DCAF6: variants seen among roughly 807,000 people sequenced by gnomAD.
The protein encoded by DCAF6 is DDB1- and CUL4-associated factor 6.
In DCAF6, 54 loss-of-function variants were observed where a neutral mutation model predicts 125.1. The ratio of observed to expected loss-of-function variants is 0.43; its 90% confidence interval spans 0.35 to 0.54. The LOEUF is 0.54. Among genes scored for constraint, DCAF6 ranks in the 20% least tolerant of loss-of-function variants. The pLI, the probability that DCAF6 is intolerant of heterozygous loss-of-function variation, is 0.01. For missense variants in DCAF6, 934 were observed against 1,161.7 expected (o/e 0.80, Z 2.85); for synonymous variants, 371 against 390.4 (o/e 0.95, Z 0.58).
At chr1:167,948,553 C>A (rs1673440068) in intron 1 of DCAF6, among the ~76,000 whole-genome samples, 1 of 152,100 alleles carries the variant, frequency 6.6e-6, no homozygotes, top group Admixed American at 6.5e-5. Flanking sequence ...AAATAACTTA[C>A]AAAGTTGTAA....
At chr1:167,982,355 C>T (rs531590251) in intron 4 of DCAF6, among the ~76,000 whole-genome samples, 2 of 152,252 alleles carry the variant, frequency 1.3e-5, no homozygotes, top group East Asian at 3.9e-4. Flanking sequence ...GATTCTCCTG[C>T]CTCAGCCTCC....
chr1:168,044,888 A>G lies in DCAF6; in HGVS notation c.1931-12A>G, dbSNP rs181743503. 3.8e-5 allele frequency: 62 copies of G among 1,610,710 alleles called. 1 individual carries two copies. The Admixed American group carries it at 4.6e-4, about 12-fold the overall frequency. On this transcript the variant is annotated splice_polypyrimidine_tract_variant and intron_variant, in intron 15 of 21. Coordinates refer to ENST00000367840, the MANE Select transcript of DCAF6 (RefSeq NM_001198956.2). ...ATTACCACCTGTTACATACAACTTT[A>G]TTTTCTGACAGCACAATCAGATAAG...
intron 17 of DCAF6, among the ~76,000 whole-genome samples, chr1:168,060,090 A>C (rs1449256964): frequency 6.6e-6 from 1 of 152,158 alleles, no homozygotes; most frequent in African/African-American, 2.4e-5. Flanking sequence ...TCCCCTGCTG[A>C]TATTTAGAAA....
chr1:168,039,109 A>G (rs1688183821), intron 13 of DCAF6, among the ~76,000 whole-genome samples: 1 of 152,026 alleles, frequency 6.6e-6, no homozygotes, highest in Non-Finnish European at 1.5e-5. Context: ...TTTAATGAAT[A>G]TCTTTGCTTA....
rs753967366 is a variant in DCAF6, at chr1:168,066,426, A to G, written c.2646A>G (p.Leu882=). The G allele has an allele frequency of 1.7e-5, 27 of 1,610,520 alleles. No individual in the cohort carries two copies. The highest frequency in any genetic ancestry group is 2.1e-5 in the Non-Finnish European group (25 of 1,177,970). Residue 882 remains leucine, a synonymous_variant, in exon 20 of 22, where the codon TTA becomes TTG. Coordinates refer to ENST00000367840, the MANE Select transcript of DCAF6 (RefSeq NM_001198956.2). ...ATGACATAAAGATCTGGTCACCATT[A>G]GAAGAGTCAAGGATTTTTAACCGAA... ...IDYDIKIWSP[L]EESRIFNRKL...
chr1:167,935,756 C>T (rs956815605), upstream of DCAF6: 2 of 1,564,332 alleles, frequency 1.3e-6, no homozygotes, highest in African/African-American at 1.4e-5. Flanking sequence ...GTACAACGGC[C>T]TCAATTTCTC....
At chr1:167,871,860 G>C in the DCAF6 span, among the ~76,000 whole-genome samples, 4 of 152,002 alleles carry the variant, frequency 2.6e-5, no homozygotes, top group East Asian at 7.7e-4. Flanking sequence ...CCTCAATTTC[G>C]TGAGATGTTT....
chr1:167,943,189 G>A (rs907493804), intron 1 of DCAF6, among the ~76,000 whole-genome samples: 2 of 152,110 alleles, frequency 1.3e-5, no homozygotes, highest in Non-Finnish European at 2.9e-5. Context: ...GATTACAGGC[G>A]TGAGCCACCG....
the DCAF6 span, among the ~76,000 whole-genome samples, chr1:167,879,137 G>A: frequency 6.6e-6 from 1 of 152,304 alleles, no homozygotes; most frequent in Non-Finnish European, 1.5e-5. Context: ...GGCTCTGAAG[G>A]CAGACTGTGC....
intron 17 of DCAF6, among the ~76,000 whole-genome samples, chr1:168,053,882 A>G (rs1308458325): frequency 2.0e-5 from 3 of 152,308 alleles, no homozygotes; most frequent in African/African-American, 7.2e-5. Context: ...TCAAGTTCTC[A>G]GACACCAGCC....
At chr1:167,983,493 T>G (rs1226695606) in intron 4 of DCAF6, among the ~76,000 whole-genome samples, 1 of 152,142 alleles carries the variant, frequency 6.6e-6, no homozygotes, top group African/African-American at 2.4e-5. Flanking sequence ...AGCCTTCCAG[T>G]CTTTGTCAAA....
intron 16 of DCAF6, among the ~76,000 whole-genome samples, chr1:168,046,836 T>G (rs1473451994): frequency 6.6e-6 from 1 of 152,152 alleles, no homozygotes; most frequent in African/African-American, 2.4e-5. Flanking sequence ...GGCCTTCCAT[T>G]TATATAAATG....
At chr1:167,992,570 A>G (rs1681008978) in intron 6 of DCAF6, among the ~76,000 whole-genome samples, 1 of 152,228 alleles carries the variant, frequency 6.6e-6, no homozygotes, top group Non-Finnish European at 1.5e-5. Context: ...CAACAGGTGG[A>G]CACAATTGAC....
chr1:167,975,882 T>G (rs1678074099), intron 4 of DCAF6, among the ~76,000 whole-genome samples: 3 of 152,172 alleles, frequency 2.0e-5, no homozygotes, highest in African/African-American at 7.2e-5. Flanking sequence ...TACTTGCATG[T>G]CATTTTTTTG....
At chr1:168,010,653 A>G (rs542512292) in intron 10 of DCAF6, among the ~76,000 whole-genome samples, 2 of 152,204 alleles carry the variant, frequency 1.3e-5, no homozygotes, top group African/African-American at 4.8e-5. Context: ...GTGATTATAA[A>G]ATTATATGTT....
intron 10 of DCAF6, among the ~76,000 whole-genome samples, chr1:168,005,331 G>T (rs1011961688): frequency 2.0e-5 from 3 of 151,958 alleles, no homozygotes; most frequent in African/African-American, 7.2e-5. Context: ...TTTACCAAAT[G>T]CTTATCTTCT....
rs1203771532 is a variant in DCAF6, at chr1:167,991,354, T to C, written c.688+15T>C. 3 of 1,597,674 alleles carry C rather than the reference T, an allele frequency of 1.9e-6. No individual in the cohort carries two copies. Among genetic ancestry groups the C allele is most frequent in the South Asian group, 1.1e-5 (1 of 87,828 alleles). On this transcript the variant is annotated intron_variant, in intron 6 of 21. Transcript: ENST00000367840. ...AAGAGCTACAGGTAAGAAGATAATA[T>C]TAGAGAAAATATAGGACTGTCAGTT...
At chr1:167,905,174 AG>A in the DCAF6 span, 1 of 1,613,558 alleles carries the variant, frequency 6.2e-7, no homozygotes, top group Non-Finnish European at 8.5e-7. Flanking sequence ...TTATGGTGAC[AG>A]GAAGCAGTCT....
At chr1:167,976,897 T>TG in intron 4 of DCAF6, among the ~76,000 whole-genome samples, 1 of 115,316 alleles carries the variant, frequency 8.7e-6, no homozygotes, top group Middle Eastern at 3.8e-3. Context: ...TTTTTTTTTT[T>TG]TTTTTTTTTT....
Sources: allele counts gnomAD v4.1 joint callset (sites outside exome capture counted in the v4.1 genomes callset), GRCh38; gene constraint gnomAD v4.1.1; transcripts MANE v1.5; gene names NCBI Gene and HGNC (gene_info 2026-07-23, HGNC 2026-07-21).